The following KNL1 variants were observed in gnomAD, a reference collection of about 807,000 sequenced individuals.
The protein encoded by KNL1 is kinetochore scaffold 1, also known as outer kinetochore KNL1 complex subunit KNL1.
KNL1 carries 66 observed loss-of-function variants against 201.3 expected under a neutral mutation model. The observed-to-expected ratio is 0.33, with a 90% confidence interval of 0.27 to 0.40. KNL1 has a LOEUF of 0.40. Among genes scored for constraint, KNL1 ranks in the 10% least tolerant of loss-of-function variants. The pLI is 1.00. For missense variants in KNL1, 2,815 were observed against 2,690.5 expected (o/e 1.05, Z -1.02); for synonymous variants, 895 against 899.2 (o/e 1.00, Z 0.08).
rs1162767785 is a variant in KNL1 at position 40,594,383 on chromosome 15, G to C, written c.-27G>C. On this transcript the variant is annotated 5_prime_UTR_variant, in exon 1 of 26. Coordinates refer to ENST00000399668, the MANE Select transcript of KNL1 (RefSeq NM_144508.5). ...TGCGCAAAATTTGTCGAGGAGGTTT[G>C]CCGCGGCAGGTAAAGAGAATGACTC... is the stretch of plus-strand genomic sequence containing the variant. 6.6e-6 allele frequency: 1 copy of C among 152,270 alleles called. No homozygotes were observed. The highest frequency in any genetic ancestry group is 1.5e-5 in the Non-Finnish European group (1 of 68,058). 9.4% of individuals were successfully genotyped at this position (152,270 alleles called of 1,614,324 possible).
chr15:40,606,421 A>T lies in KNL1; in HGVS notation c.104A>T (p.Gln35Leu). 1 of 1,581,108 alleles carries T rather than the reference A, an allele frequency of 6.3e-7. No individual in the cohort carries two copies. Among genetic ancestry groups the T allele is most frequent in the Non-Finnish European group, 8.7e-7 (1 of 1,150,428 alleles). Residue 35 changes from glutamine (Q) to leucine (L), a missense_variant, in exon 4 of 26, where the codon CAG becomes CTG. Coordinates refer to ENST00000399668, the MANE Select transcript of KNL1 (RefSeq NM_144508.5). Reference protein sequence around the residue: ...SILKPPRSPLQDLRGGNERVQ... With the variant: ...SILKPPRSPLLDLRGGNERVQ... Reference sequence around the variant, plus strand: ...TTGAAACCCCCAAGGAGTCCTCTTCAGGACCTCAGAGGTGGGAATGAAAGA... The same window carrying T: ...TTGAAACCCCCAAGGAGTCCTCTTCTGGACCTCAGAGGTGGGAATGAAAGA...
rs771316859 is a variant in KNL1, at chr15:40,652,103, T to C, written c.6413T>C (p.Val2138Ala). 1 of 1,605,442 alleles carries C rather than the reference T, an allele frequency of 6.2e-7. No homozygotes were observed. The highest frequency in any genetic ancestry group is 2.2e-5 in the East Asian group (1 of 44,792). ...IQLTITFEESVVGFPFLDKRY... is the reference protein window; with the variant it reads ...IQLTITFEESAVGFPFLDKRY... ...CTCACCATCACCTTTGAAGAGTCAG[T>C]TGGTAAGGAGCCAAAGTGAGATAAT... Residue 2138 changes from valine (V) to alanine (A), a missense_variant and splice_region_variant, in exon 21 of 26, where the codon GTT (valine) becomes GCT (alanine). By Grantham distance (64) the Val-to-Ala change is moderately conservative. Coordinates refer to ENST00000399668, the MANE Select transcript of KNL1 (RefSeq NM_144508.5).
Position 40,622,742 on chromosome 15 carries a change from T to C in KNL1, c.2478T>C (p.Asp826=), listed in dbSNP as rs369679189. Residue 826 remains aspartate, a synonymous_variant, in exon 10 of 26, where the codon GAT becomes GAC. Transcript: ENST00000399668. The part of the protein sequence containing the change: ...SGVLKSNCIM[D]VLEDESVQKP... ...TGCTTAAATCTAACTGTATTATGGA[T>C]GTGTTAGAGGACGAAAGTGTACAGA... is the stretch of plus-strand genomic sequence containing the variant. 52 of 1,602,488 alleles carry C rather than the reference T, an allele frequency of 3.2e-5. 1 individual carries two copies. In the African/African-American group the frequency reaches 6.7e-4, roughly 21 times the overall value.
chr15:40,660,464 A>G (rs1893875136), intron 25 of KNL1, among the ~76,000 whole-genome samples: 1 of 151,406 alleles, frequency 6.6e-6, no homozygotes, highest in Admixed American at 6.6e-5. Flanking sequence ...CAGGAGTTCA[A>G]GACCAGCCTG....
intron 1 of KNL1, among the ~76,000 whole-genome samples, chr15:40,598,420 A>G (rs1321901852): frequency 6.6e-6 from 1 of 151,806 alleles, no homozygotes; most frequent in East Asian, 1.9e-4. Flanking sequence ...AATAAAAATA[A>G]AAAAATTAGC....
At chr15:40,633,332 T>C (rs1331724700) in intron 13 of KNL1, among the ~76,000 whole-genome samples, 1 of 131,992 alleles carries the variant, frequency 7.6e-6, no homozygotes, top group East Asian at 2.1e-4. Context: ...AAAAAAAAAT[T>C]GTAATGGAGC....
intron 22 of KNL1, among the ~76,000 whole-genome samples, chr15:40,656,784 G>C (rs1051956030): frequency 1.4e-4 from 22 of 152,102 alleles, no homozygotes; most frequent in African/African-American, 5.1e-4. Context: ...TACTCAGGAG[G>C]CTGAGGCAGG....
At chr15:40,606,492 C>T in intron 4 of KNL1, 40 bp downstream of exon 4, 5 of 1,121,378 alleles carry the variant, frequency 4.5e-6, no homozygotes, top group Non-Finnish European at 5.4e-6. Flanking sequence ...TGACTATTTT[C>T]AGTTATATTT....
chr15:40,661,586 C>T (rs1294268204), intron 25 of KNL1, among the ~76,000 whole-genome samples: 2 of 152,182 alleles, frequency 1.3e-5, no homozygotes, highest in Non-Finnish European at 2.9e-5. Flanking sequence ...TAAGATACTT[C>T]ACAATTACAT....
Position 40,623,411 on chromosome 15 carries a change from A to G in KNL1, c.3147A>G (p.Gln1049=), listed in dbSNP as rs777090897. ...CTTGCAAAAACATCAAAGATGTACA[A>G]AGTCCTGGATTTCTGAATGAACCTC... ...SATCKNIKDV[Q]SPGFLNEPLS... Residue 1049 remains glutamine, a synonymous_variant, in exon 10 of 26, where the codon CAA becomes CAG. Coordinates refer to ENST00000399668, the MANE Select transcript of KNL1 (RefSeq NM_144508.5). 2.5e-6 allele frequency: 4 copies of G among 1,613,820 alleles called. No individual in the cohort carries two copies. The South Asian group carries it at 4.4e-5, about 18-fold the overall frequency.
chr15:40,651,677 C>A (rs1276485346), intron 20 of KNL1, 105 bp downstream of exon 20: 3 of 738,952 alleles, frequency 4.1e-6, no homozygotes, highest in African/African-American at 1.8e-5. Flanking sequence ...CTGTTTTTAA[C>A]CTATACAGTG....
rs1718336150 is a variant in KNL1 at position 40,624,415 on chromosome 15, C to T, written c.4151C>T (p.Thr1384Ile). ...STKGQLDCVI[T>I]LHKDQDLIKD... is the part of the protein sequence containing the mutation. The stretch of plus-strand genomic sequence containing the variant: ...AAAGGACAGTTAGACTGTGTTATAA[C>T]ACTGCACAAAGATCAAGATCTGATT... Residue 1384 changes from threonine (T) to isoleucine (I), a missense_variant, in exon 10 of 26, where the codon ACA (threonine) becomes ATA (isoleucine). By Grantham distance (89) the Thr-to-Ile change is moderately conservative. Transcript: ENST00000399668. The T allele has an allele frequency of 2.5e-6, 4 of 1,613,980 alleles. No homozygotes were observed. Among genetic ancestry groups the T allele is most frequent in the Non-Finnish European group, 1.7e-6 (2 of 1,179,928 alleles).
intron 4 of KNL1, 24 bp downstream of exon 4, chr15:40,606,476 T>C: frequency 8.2e-7 from 1 of 1,220,108 alleles, no homozygotes; most frequent in Non-Finnish European, 1.2e-6. Flanking sequence ...GCAAATACTT[T>C]ATAGATGACT....
chr15:40,598,520 G>A (rs1450843456), intron 1 of KNL1, among the ~76,000 whole-genome samples: 1 of 152,104 alleles, frequency 6.6e-6, no homozygotes, highest in Admixed American at 6.6e-5. Flanking sequence ...AGTAAGCCTA[G>A]ATCACACCAC....
At chr15:40,659,892 T>TTGTGTGTGTGTG (rs749156028) in intron 25 of KNL1, among the ~76,000 whole-genome samples, 5,608 of 120,030 alleles carry the variant, frequency 0.047, 183 homozygotes, top group African/African-American at 0.066. Flanking sequence ...TTTGAAGAAT[T>TTGTGTGTGTGTG]TATGTGTGTG....
Position 40,623,288 on chromosome 15 carries a change from A to G in KNL1, c.3024A>G (p.Leu1008=). The change falls in exon 10 of 26, where the codon CTA becomes CTG. Residue 1008 remains leucine (L), a synonymous_variant. Coordinates refer to ENST00000399668, the MANE Select transcript of KNL1 (RefSeq NM_144508.5). The stretch of plus-strand genomic sequence containing the variant: ...CAGGAAATGGTGAAAGTGACCGTCT[A>G]GTAGCAAATGACAGCCAGCTAACCC... ...FFPGNGESDR[L]VANDSQLTPL... is the part of the protein sequence containing the mutation. 6.2e-7 allele frequency: 1 copy of G among 1,613,970 alleles called. No homozygotes were observed. The highest frequency in any genetic ancestry group is 8.5e-7 in the Non-Finnish European group (1 of 1,179,872).
chr15:40,597,865 T>C (rs980725380), intron 1 of KNL1, among the ~76,000 whole-genome samples: 1 of 152,160 alleles, frequency 6.6e-6, no homozygotes, highest in African/African-American at 2.4e-5. Context: ...ATTTTGAACA[T>C]GTGCACTGAA....
At position 40,622,895 on chromosome 15, in the gene KNL1, TTATACAATAGAA is replaced by T; in HGVS notation, c.2632_2643del (p.Tyr878_Glu881del). On this transcript the variant is annotated inframe_deletion, in exon 10 of 26. Coordinates refer to ENST00000399668, the MANE Select transcript of KNL1 (RefSeq NM_144508.5). ...AGAATGATATGGATATCACTAAGAG[TTATACAATAGAA>T]ATAAACCATAGACCTTTATTAGAGA... 1 of 1,612,342 alleles carries T rather than the reference TTATACAATAGAA, an allele frequency of 6.2e-7. No individual in the cohort carries two copies. Among genetic ancestry groups the T allele is most frequent in the Non-Finnish European group, 8.5e-7 (1 of 1,179,090 alleles).
intron 16 of KNL1, 199 bp from the exon 17 acceptor site, chr15:40,646,788 C>G (rs1195940472): frequency 9.5e-6 from 3 of 316,174 alleles, no homozygotes; most frequent in Non-Finnish European, 1.7e-5. Context: ...ACCCGGGAGG[C>G]GGAGCTTGCA....
Sources: allele counts gnomAD v4.1 joint callset (sites outside exome capture counted in the v4.1 genomes callset), GRCh38; gene constraint gnomAD v4.1.1; transcripts MANE v1.5; gene names NCBI Gene and HGNC (gene_info 2026-07-23, HGNC 2026-07-21).